The following LOXHD1 variants were observed in gnomAD, a reference collection of about 807,000 sequenced individuals.
LOXHD1 encodes lipoxygenase homology PLAT domains 1.
Under a neutral mutation model 248.2 loss-of-function variants are expected in LOXHD1, and 205 were observed. The observed-to-expected ratio is 0.83, with a 90% CI of 0.74 to 0.93. The LOEUF (loss-of-function observed/expected upper bound fraction) is 0.93, where lower values mean the gene tolerates loss of function less well. Ranked by LOEUF, LOXHD1 falls within the 40% of genes least tolerant of loss-of-function variation. LOXHD1 has a pLI of 0.00. For missense variants in LOXHD1, 2,930 were observed against 2,971.6 expected, an observed-to-expected ratio of 0.99 and a Z score of 0.33; for synonymous variants, 1,113 against 1,162.8, an observed-to-expected ratio of 0.96 and a Z score of 0.87.
At chr18:46,603,215 A>C (rs1020974879) in intron 7 of LOXHD1, among the ~76,000 whole-genome samples, 4 of 151,980 alleles carry the variant, frequency 2.6e-5, no homozygotes, top group African/African-American at 9.7e-5. Flanking sequence ...GAAAGAAGAG[A>C]AAAGACTTTT....
chr18:46,644,976 C>T (rs144402842), intron 2 of LOXHD1, among the ~76,000 whole-genome samples: 182 of 152,232 alleles, frequency 1.2e-3, no homozygotes, highest in African/African-American at 4.0e-3. Context: ...TTCTGGGTTC[C>T]GCAGTGCTTA....
chr18:46,624,941 C>T (rs557648616), intron 4 of LOXHD1, among the ~76,000 whole-genome samples: 18 of 152,262 alleles, frequency 1.2e-4, no homozygotes, highest in Non-Finnish European at 2.1e-4. Flanking sequence ...TGCCTCTGAT[C>T]CTCCGAGAAA....
In LOXHD1 at chr18:46,656,806, G is replaced by C; in HGVS notation, c.130+98C>G. ...TGGGATAATCAGTGAGGAAGGGCTT[G>C]CTCCGAAATCTTAGAATGACTCCCC... On this transcript the variant is annotated intron_variant, in intron 1 of 40. Transcript: ENST00000642948. 5.9e-6 allele frequency: 8 copies of C among 1,349,698 alleles called. No homozygotes were observed. The South Asian group carries it at 1.1e-4, about 19-fold the overall frequency. The allele number at this position is 1,349,698 out of a possible 1,614,324, so 83.6% of individuals were successfully genotyped here.
chr18:46,484,971 CCTTA>C, intron 39 of LOXHD1, 44 bp downstream of exon 39: 1 of 1,541,674 alleles, frequency 6.5e-7, no homozygotes, highest in Non-Finnish European at 8.8e-7. Context: ...CGGGGTCCTC[CCTTA>C]CCTACCCACC....
Position 46,577,819 on chromosome 18 carries a change from C to G in LOXHD1, c.1858G>C (p.Val620Leu). Residue 620 changes from valine to leucine, a missense_variant, in exon 14 of 41, where the codon GTG (valine) becomes CTG (leucine). Val to Leu is a conservative substitution (Grantham distance 32). Transcript: ENST00000642948. ...CCTTTGCCATCGTGTCTGATCCTCACCCGCCTCACATTCCGCATGGTGACA... is the reference window on the plus strand; with the variant it reads ...CCTTTGCCATCGTGTCTGATCCTCAGCCGCCTCACATTCCGCATGGTGACA... ...ESVTMRNVRR[V>L]RIRHDGKGSG... 1 of 1,551,736 alleles carries G rather than the reference C, an allele frequency of 6.4e-7. No individual in the cohort carries two copies. The highest frequency in any genetic ancestry group is 8.7e-7 in the Non-Finnish European group (1 of 1,147,012).
chr18:46,516,758 T>G (rs1006747651), intron 34 of LOXHD1, among the ~76,000 whole-genome samples: 6 of 151,624 alleles, frequency 4.0e-5, no homozygotes, highest in Admixed American at 3.9e-4. Flanking sequence ...ATCATCATCA[T>G]CACCATCATC....
chr18:46,637,517 A>AT (rs2038907819), intron 4 of LOXHD1, among the ~76,000 whole-genome samples: 1 of 152,212 alleles, frequency 6.6e-6, no homozygotes, highest in South Asian at 2.1e-4. Flanking sequence ...TTGGATAAAG[A>AT]ATTAAAGATG....
chr18:46,479,207 A>T (rs2032317552), intron 40 of LOXHD1, among the ~76,000 whole-genome samples: 1 of 148,096 alleles, frequency 6.8e-6, no homozygotes, highest in African/African-American at 2.5e-5. Flanking sequence ...CACTTGGCTG[A>T]GTTGAACAAA....
At chr18:46,573,678 C>T (rs1398502928) in intron 14 of LOXHD1, among the ~76,000 whole-genome samples, 1 of 152,052 alleles carries the variant, frequency 6.6e-6, no homozygotes, top group African/African-American at 2.4e-5. Context: ...ATAGACCACC[C>T]CTCTCCCCAA....
At position 46,638,551 on chromosome 18, in the gene LOXHD1, T is replaced by C. The variant is rs562554730; in HGVS notation, c.511+1065A>G. Reference sequence around the variant, plus strand: ...AGGAGGCTGAGGCAGGAGAATCACTTGAACCCAGGAGGCAGAGATCACAGT... The same window carrying C: ...AGGAGGCTGAGGCAGGAGAATCACTCGAACCCAGGAGGCAGAGATCACAGT... On this transcript the variant is annotated intron_variant, in intron 4 of 40. Transcript: ENST00000642948. Among the ~76,000 whole-genome samples, 6 of 152,278 alleles carry C rather than the reference T, an allele frequency of 3.9e-5. No individual in the cohort carries two copies. The East Asian group carries it at 1.2e-3, about 29-fold the overall frequency.
chr18:46,508,674 A>G (rs1313466573), intron 35 of LOXHD1, among the ~76,000 whole-genome samples: 3 of 152,256 alleles, frequency 2.0e-5, no homozygotes, highest in African/African-American at 4.8e-5. Flanking sequence ...ACAACACACA[A>G]GTTCGCATGC....
intron 15 of LOXHD1, among the ~76,000 whole-genome samples, chr18:46,570,457 A>G (rs1188223370): frequency 6.6e-6 from 1 of 152,212 alleles, no homozygotes; most frequent in African/African-American, 2.4e-5. Context: ...AAGGATTTGG[A>G]GAAAGTCAGC....
intron 17 of LOXHD1, 93 bp from the exon 18 acceptor site, chr18:46,563,318 G>T (rs2144037066): frequency 2.4e-6 from 3 of 1,272,020 alleles, no homozygotes; most frequent in Non-Finnish European, 3.1e-6. Context: ...GCCTGTTCCA[G>T]GTGCCTGGCG....
At position 46,524,550 on chromosome 18, in the gene LOXHD1, C is replaced by T. The variant is rs1598914740; in HGVS notation, c.4792G>A (p.Glu1598Lys). 1.3e-6 allele frequency: 2 copies of T among 1,551,616 alleles called. No homozygotes were observed. The highest frequency in any genetic ancestry group is 1.2e-5 in the South Asian group (1 of 84,064). ...SNCSSPADFW[E>K]IALSSKMADV... ...GCCATCTTGGAGCTCAGGGCGATCT[C>T]CCAGAAGTCAGCAGGGCTGCTGCAG... Residue 1598 changes from glutamate (E) to lysine (K), a missense_variant, in exon 31 of 41, where the codon GAG becomes AAG. Coordinates refer to ENST00000642948, the MANE Select transcript of LOXHD1 (RefSeq NM_001384474.1).
chr18:46,508,490 A>C (rs2034730420), intron 35 of LOXHD1, among the ~76,000 whole-genome samples: 1 of 152,102 alleles, frequency 6.6e-6, no homozygotes, highest in South Asian at 2.1e-4. Flanking sequence ...GGCCCAGAAC[A>C]GATGTTTCTC....
chr18:46,635,254 GA>G (rs1253964471), intron 4 of LOXHD1, among the ~76,000 whole-genome samples: 1 of 152,106 alleles, frequency 6.6e-6, no homozygotes, highest in Non-Finnish European at 1.5e-5. Flanking sequence ...AGGAAGGCTT[GA>G]CTCAAACCAA....
At chr18:46,592,378 C>A (rs2038187506) in intron 11 of LOXHD1, 120 bp downstream of exon 11, 8 of 857,198 alleles carry the variant, frequency 9.3e-6, no homozygotes, top group Admixed American at 7.7e-5. Context: ...TCACCATAAC[C>A]CTTTTCAGTC....
intron 14 of LOXHD1, among the ~76,000 whole-genome samples, chr18:46,576,601 T>C (rs1438516144): frequency 1.3e-5 from 2 of 152,236 alleles, no homozygotes; most frequent in Non-Finnish European, 2.9e-5. Flanking sequence ...CCTCTGTTAG[T>C]GCCACTCACT....
At chr18:46,599,778 A>T (rs2038307820) in intron 8 of LOXHD1, among the ~76,000 whole-genome samples, 1 of 152,202 alleles carries the variant, frequency 6.6e-6, no homozygotes, top group South Asian at 2.1e-4. Flanking sequence ...ATTTTACATA[A>T]AAAGAAACAT....
Sources: allele counts gnomAD v4.1 joint callset (sites outside exome capture counted in the v4.1 genomes callset), GRCh38; gene constraint gnomAD v4.1.1; transcripts MANE v1.5; gene names NCBI Gene and HGNC (gene_info 2026-07-23, HGNC 2026-07-21).